Variants in SPATA7 observed in about 807,000 individuals in gnomAD.
SPATA7 encodes the protein spermatogenesis-associated protein 7.
A neutral mutation model predicts 51.8 loss-of-function variants in SPATA7; 43 were observed. That is an observed-to-expected ratio of 0.83 (90% CI 0.65 to 1.07). The LOEUF (loss-of-function observed/expected upper bound fraction) is 1.07, where lower values mean the gene tolerates loss of function less well. Among genes scored for constraint, SPATA7 ranks in the 50% least tolerant of loss-of-function variants. SPATA7 has a pLI of 0.00. For synonymous variants in SPATA7, 230 were observed against 252.8 expected, an observed-to-expected ratio of 0.91 and a Z score of 0.86; for missense variants, 683 against 701.3, an observed-to-expected ratio of 0.97 and a Z score of 0.30.
At chr14:88,414,858 G>T in intron 4 of SPATA7, 1 of 206,336 alleles carries the variant, frequency 4.8e-6, no homozygotes, top group Non-Finnish European at 1.0e-5. Context: ...AAAATTATGT[G>T]GTTTTGAGGA....
At chr14:88,393,312 G>T in intron 2 of SPATA7, 81 bp from the exon 3 acceptor site, 1 of 933,240 alleles carries the variant, frequency 1.1e-6, no homozygotes, top group East Asian at 2.7e-5. Context: ...TTATAAGAAT[G>T]AGTTAAATAA....
downstream of SPATA7, among the ~76,000 whole-genome samples, chr14:88,439,343 A>G (rs540955571): frequency 3.9e-5 from 6 of 152,102 alleles, no homozygotes; most frequent in Non-Finnish European, 8.8e-5. Context: ...GACCTGTCTG[A>G]AGCCCTCTCC....
intron 2 of SPATA7, among the ~76,000 whole-genome samples, chr14:88,392,694 G>A (rs76609651): frequency 5.3e-5 from 8 of 152,190 alleles, no homozygotes; most frequent in Non-Finnish European, 8.8e-5. Context: ...TTTAGCTGTT[G>A]AATTTTTTTA....
downstream of SPATA7, among the ~76,000 whole-genome samples, chr14:88,439,841 G>T (rs2077165326): frequency 6.6e-6 from 1 of 152,188 alleles, no homozygotes; most frequent in Middle Eastern, 3.4e-3. Flanking sequence ...CACCTCCACT[G>T]TCGGAATCCC....
intron 4 of SPATA7, among the ~76,000 whole-genome samples, chr14:88,404,080 A>G (rs2076141479): frequency 6.6e-6 from 1 of 152,196 alleles, no homozygotes; most frequent in South Asian, 2.1e-4. Context: ...ATATATATAT[A>G]AACTTAAATA....
Position 88,393,461 on chromosome 14 carries a change from C to A in SPATA7, c.163C>A (p.His55Asn). 1.2e-6 allele frequency: 2 copies of A among 1,603,554 alleles called. No individual in the cohort carries two copies. Among genetic ancestry groups the A allele is most frequent in the South Asian group, 1.1e-5 (1 of 89,320 alleles). The change falls in exon 3 of 12, where the codon CAC (histidine) becomes AAC (asparagine). Residue 55 changes from histidine to asparagine, a missense_variant. Transcript: ENST00000393545. ...LQLVKNHMAV[H>N]YNKILSAKAA... is the part of the protein sequence containing the mutation. Reference sequence around the variant, plus strand: ...GCTGGTCAAGAATCACATGGCTGTTCACTATAATAAAATCCTTTCAGCCAA... The same window carrying A: ...GCTGGTCAAGAATCACATGGCTGTTAACTATAATAAAATCCTTTCAGCCAA...
In SPATA7 at chr14:88,461,658, G is replaced by A. The variant is rs529646534; in HGVS notation, c.255-8189G>A. On this transcript the variant is annotated intron_variant, in intron 4 of 4. Coordinates refer to the SPATA7 transcript ENST00000556406. Reference sequence around the variant, plus strand: ...AATTCCCTGACCCCTTGCACTTCCCGGCTGAGGCGATGCCTCACCCTGCTT... The same window carrying A: ...AATTCCCTGACCCCTTGCACTTCCCAGCTGAGGCGATGCCTCACCCTGCTT... Among the ~76,000 whole-genome samples, 90 of 152,126 alleles carry A rather than the reference G, an allele frequency of 5.9e-4. 1 individual carries two copies. In the East Asian group the frequency reaches 0.011, roughly 18 times the overall value.
rs1317628908 is a variant in SPATA7 at position 88,445,800 on chromosome 14, G to A, written c.177+7897G>A. Among the ~76,000 whole-genome samples, 17 of 152,156 alleles carry A rather than the reference G, an allele frequency of 1.1e-4. No homozygotes were observed. The South Asian group carries it at 1.7e-3, about 15-fold the overall frequency. The stretch of plus-strand genomic sequence containing the variant: ...TGCTGGATTACCTTTATTGATTTGC[G>A]TATATTGAACCAGCCTTGCATCCCA... On this transcript the variant is annotated intron_variant, in intron 3 of 3. Coordinates refer to the SPATA7 transcript ENST00000554802.
At chr14:88,455,145 A>C (rs113591048) in exon 4 of SPATA7, 4 of 454,050 alleles carry the variant, frequency 8.8e-6, no homozygotes, top group Admixed American at 2.4e-5. Context: ...ATGTTCTACT[A>C]TAGAGGTGGC....
intron 5 of SPATA7, among the ~76,000 whole-genome samples, chr14:88,420,273 A>G (rs1320515353): frequency 1.3e-5 from 2 of 152,178 alleles, no homozygotes; most frequent in East Asian, 1.9e-4. Context: ...ACCTGAGCAC[A>G]TCACTAGTCC....
chr14:88,385,946 C>A, intron 1 of SPATA7, 109 bp downstream of exon 1: 1 of 1,537,926 alleles, frequency 6.5e-7, no homozygotes. Context: ...GGGGCGCTTC[C>A]TACCCCTGGC....
rs567128675 is a variant in SPATA7 at position 88,402,535 on chromosome 14, C to T, written c.238+6332C>T. On this transcript the variant is annotated intron_variant, in intron 4 of 11. Transcript: ENST00000393545. ...TCTTCAAAAGGGTACCAAACACACA[C>T]AGTGGGGAAAGGATAGTGTCATCAA... Among the ~76,000 whole-genome samples the T allele has an allele frequency of 3.3e-5, 5 of 152,208 alleles. No individual in the cohort carries two copies. The South Asian group carries it at 1.0e-3, about 32-fold the overall frequency.
chr14:88,398,940 T>TGC (rs1168932601), intron 4 of SPATA7, among the ~76,000 whole-genome samples: 1 of 150,844 alleles, frequency 6.6e-6, no homozygotes. Flanking sequence ...TAGTCCCAGC[T>TGC]GCTCGGGAGG....
intron 6 of SPATA7, 140 bp from the exon 7 acceptor site, chr14:88,427,490 C>A: frequency 1.6e-6 from 1 of 611,654 alleles, no homozygotes; most frequent in Non-Finnish European, 2.9e-6. Context: ...CAAATAAAAT[C>A]AAATAATTCA....
intron 6 of SPATA7, among the ~76,000 whole-genome samples, chr14:88,426,929 A>G (rs1029113612): frequency 2.6e-5 from 4 of 152,192 alleles, no homozygotes; most frequent in African/African-American, 7.2e-5. Flanking sequence ...TATGAATTAC[A>G]TATTTTATTA....
In SPATA7 at chr14:88,427,638, C is replaced by CT; in HGVS notation, c.855dup (p.Glu286Ter). The CT allele has an allele frequency of 6.2e-7, 1 of 1,603,900 alleles. No homozygotes were observed. On this transcript the variant is annotated frameshift_variant, in exon 7 of 12. Transcript: ENST00000393545. LOFTEE classifies it high-confidence loss of function. ...ATTTTAAATTATTACAGCTTTAAAT[C>CT]TGAGTTGGGGACAGCTGAGACTAAA... is the stretch of plus-strand genomic sequence containing the variant.
At chr14:88,421,383 T>C (rs2076637106) in intron 5 of SPATA7, among the ~76,000 whole-genome samples, 1 of 152,256 alleles carries the variant, frequency 6.6e-6, no homozygotes, top group Non-Finnish European at 1.5e-5. Context: ...TAAAAAAAAC[T>C]ATGGACTGCT....
intron 4 of SPATA7, among the ~76,000 whole-genome samples, chr14:88,464,399 A>G (rs1470069342): frequency 6.6e-6 from 1 of 152,150 alleles, no homozygotes; most frequent in Non-Finnish European, 1.5e-5. Flanking sequence ...TGATAAGCAA[A>G]TTCAACTACA....
At chr14:88,452,323 A>G (rs1457173995) in intron 3 of SPATA7, among the ~76,000 whole-genome samples, 1 of 152,206 alleles carries the variant, frequency 6.6e-6, no homozygotes, top group African/African-American at 2.4e-5. Context: ...AAGTGGAGGT[A>G]GCAGGAGAGT....
Sources: gnomAD v4.1 joint callset for allele counts (sites outside exome capture counted in the v4.1 genomes callset) on GRCh38, gnomAD v4.1.1 for gene constraint, MANE v1.5 for transcripts, NCBI Gene and HGNC (gene_info 2026-07-23, HGNC 2026-07-21) for gene names.